The following FER variants were observed in gnomAD, a reference collection of about 807,000 sequenced individuals.
FER encodes FER tyrosine kinase.
FER carries 63 observed loss-of-function variants against 111.0 expected under a neutral mutation model. The ratio of observed to expected loss-of-function variants is 0.57; its 90% CI spans 0.46 to 0.70. FER has a LOEUF of 0.70. Ranked by LOEUF, FER falls within the 30% of genes least tolerant of loss-of-function variation. The pLI, the probability that FER is intolerant of heterozygous loss-of-function variation, is 0.00. For missense variants in FER, 914 were observed against 954.0 expected (o/e 0.96, Z 0.55); for synonymous variants, 327 against 313.9 (o/e 1.04, Z -0.44).
In FER at chr5:109,193,989, C is replaced by T. The variant is rs1321477102; in HGVS notation, c.*6414C>T. 3 of 152,172 alleles carry T rather than the reference C, an allele frequency of 2.0e-5. No individual in the cohort carries two copies. Among genetic ancestry groups the T allele is most frequent in the Admixed American group, 2.0e-4 (3 of 15,264 alleles). The allele number at this position is 152,172 out of a possible 1,614,324, so 9.4% of individuals were successfully genotyped here. Reference sequence around the variant, plus strand: ...CAGGTCACACTTGTTAGATGACTAACACTATCAGTAGAAGCTCTTGAGAGA... The same window carrying T: ...CAGGTCACACTTGTTAGATGACTAATACTATCAGTAGAAGCTCTTGAGAGA... On this transcript the variant is annotated 3_prime_UTR_variant, in exon 20 of 20. Coordinates refer to ENST00000281092, the MANE Select transcript of FER (RefSeq NM_005246.4).
At chr5:108,913,238 A>G (rs1302676242) in intron 10 of FER, among the ~76,000 whole-genome samples, 1 of 152,206 alleles carries the variant, frequency 6.6e-6, no homozygotes, top group Non-Finnish European at 1.5e-5. Context: ...GGTACTCGAT[A>G]AATTTTTCTT....
rs1759207477 is a variant in FER at position 109,189,369 on chromosome 5, A to G, written c.*1794A>G. The G allele has an allele frequency of 1.3e-5, 2 of 152,194 alleles. No individual in the cohort carries two copies. 9.4% of individuals were successfully genotyped at this position (152,194 alleles called of 1,614,324 possible). A position where few individuals can be genotyped will look rare whatever the true frequency, so the allele number is the denominator to read the frequency against. ...CATTGGAAGAGCTTAGGGATAGAAA[A>G]TGCCTCCTGCCCTCTCCAGCTGTTT... On this transcript the variant is annotated 3_prime_UTR_variant, in exon 20 of 20. Coordinates refer to ENST00000281092, the MANE Select transcript of FER (RefSeq NM_005246.4).
At chr5:108,944,378 T>G (rs764708142) in intron 10 of FER, among the ~76,000 whole-genome samples, 29 of 152,112 alleles carry the variant, frequency 1.9e-4, no homozygotes, top group Non-Finnish European at 2.6e-4. Context: ...TGAGGGGCCA[T>G]CCTTTTGCCA....
At chr5:109,013,490 T>C (rs1035337284) in intron 13 of FER, among the ~76,000 whole-genome samples, 1 of 151,316 alleles carries the variant, frequency 6.6e-6, no homozygotes, top group Admixed American at 6.6e-5. Context: ...TGTTGGACAT[T>C]TGGGTTGGTT....
intron 17 of FER, among the ~76,000 whole-genome samples, chr5:109,163,564 G>C (rs1582333525): frequency 6.6e-6 from 1 of 152,178 alleles, no homozygotes; most frequent in Non-Finnish European, 1.5e-5. Context: ...CGTCAGTCTT[G>C]AGTTTTAGTC....
intron 17 of FER, among the ~76,000 whole-genome samples, chr5:109,170,195 T>C (rs1185016131): frequency 1.3e-5 from 2 of 151,704 alleles, no homozygotes; most frequent in Non-Finnish European, 1.5e-5. Flanking sequence ...TATATGCCCT[T>C]ATAGAAAATA....
intron 2 of FER, among the ~76,000 whole-genome samples, chr5:108,788,869 C>T (rs1458252060): frequency 6.6e-6 from 1 of 152,108 alleles, no homozygotes; most frequent in Non-Finnish European, 1.5e-5. Context: ...TTATTGATTT[C>T]TAAAGCCTTA....
chr5:109,092,697 G>A (rs1173956841), intron 16 of FER, among the ~76,000 whole-genome samples: 1 of 152,144 alleles, frequency 6.6e-6, no homozygotes, highest in Non-Finnish European at 1.5e-5. Context: ...CAAACAGTAT[G>A]GAGCTTCCTC....
At chr5:109,109,604 A>G (rs1049323099) in intron 17 of FER, among the ~76,000 whole-genome samples, 1 of 152,152 alleles carries the variant, frequency 6.6e-6, no homozygotes, top group African/African-American at 2.4e-5. Context: ...CTACTTAAGT[A>G]GCAAAGGAGT....
chr5:109,032,456 T>C (rs1769772138), intron 13 of FER, among the ~76,000 whole-genome samples: 1 of 152,164 alleles, frequency 6.6e-6, no homozygotes, highest in Non-Finnish European at 1.5e-5. Flanking sequence ...CTTCTGTTCC[T>C]TGTGCTTCTC....
intron 10 of FER, among the ~76,000 whole-genome samples, chr5:108,903,032 T>C (rs188630215): frequency 6.6e-6 from 1 of 152,288 alleles, no homozygotes; most frequent in East Asian, 1.9e-4. Context: ...TCGTTTTCCC[T>C]TCAGAATAAT....
At chr5:108,995,858 G>A (rs1485875447) in intron 13 of FER, among the ~76,000 whole-genome samples, 1 of 152,130 alleles carries the variant, frequency 6.6e-6, no homozygotes, top group African/African-American at 2.4e-5. Context: ...TTCCACAATG[G>A]CTGAACTAAT....
intron 13 of FER, among the ~76,000 whole-genome samples, chr5:108,962,401 T>C (rs924614171): frequency 1.3e-5 from 2 of 152,226 alleles, no homozygotes; most frequent in African/African-American, 4.8e-5. Flanking sequence ...CTGACTACCA[T>C]GTATAAAATA....
At chr5:109,057,046 G>A (rs1773746797) in intron 16 of FER, among the ~76,000 whole-genome samples, 1 of 152,134 alleles carries the variant, frequency 6.6e-6, no homozygotes, top group South Asian at 2.1e-4. Flanking sequence ...GCAATATTAA[G>A]CTTTCTGATC....
At chr5:108,955,796 GCTTAGATAA>G (rs1758347229) in intron 12 of FER, among the ~76,000 whole-genome samples, 1 of 151,716 alleles carries the variant, frequency 6.6e-6, no homozygotes, top group Non-Finnish European at 1.5e-5. Flanking sequence ...GAACTTGAGG[GCTTAGATAA>G]CTTAGTAACA....
chr5:108,767,986 A>C (rs913908669), intron 1 of FER, 107 bp from the exon 2 acceptor site: 10 of 152,206 alleles, frequency 6.6e-5, no homozygotes, highest in African/African-American at 2.2e-4. Flanking sequence ...CAATTGTCAT[A>C]AGCTGTCACA....
intron 16 of FER, among the ~76,000 whole-genome samples, chr5:109,068,726 A>G (rs1026049786): frequency 9.2e-5 from 14 of 152,222 alleles, no homozygotes; most frequent in African/African-American, 3.4e-4. Flanking sequence ...GGAAAAGAAT[A>G]TAATGCTCAA....
intron 13 of FER, among the ~76,000 whole-genome samples, chr5:109,020,329 T>C (rs896121865): frequency 2.0e-5 from 3 of 151,964 alleles, no homozygotes; most frequent in Non-Finnish European, 4.4e-5. Flanking sequence ...TCATATATAA[T>C]AAAGCATAAA....
intron 13 of FER, among the ~76,000 whole-genome samples, chr5:108,978,733 C>G (rs1349134453): frequency 2.0e-5 from 3 of 152,198 alleles, no homozygotes; most frequent in African/African-American, 7.2e-5. Context: ...CTCATAGATG[C>G]AAACTGTGTA....
Sources: gnomAD v4.1 joint callset for allele counts (sites outside exome capture counted in the v4.1 genomes callset) on GRCh38, gnomAD v4.1.1 for gene constraint, MANE v1.5 for transcripts, NCBI Gene and HGNC (gene_info 2026-07-23, HGNC 2026-07-21) for gene names.